The following RNF220 variants were observed in gnomAD, a reference collection of about 807,000 sequenced individuals.
RNF220 encodes E3 ubiquitin-protein ligase RNF220.
RNF220 carries 7 observed loss-of-function variants against 67.1 expected under a neutral mutation model. That is an observed-to-expected ratio of 0.10 (90% CI 0.06 to 0.20). RNF220 has a LOEUF of 0.20. Among genes scored for constraint, RNF220 ranks in the 10% least tolerant of loss-of-function variants. RNF220 has a pLI of 1.00. For missense variants in RNF220, 565 were observed against 740.3 expected, an observed-to-expected ratio of 0.76 and a Z score of 2.75; for synonymous variants, 270 against 283.2, an observed-to-expected ratio of 0.95 and a Z score of 0.47.
chr1:44,422,215 A>G (rs986362451), intron 2 of RNF220, among the ~76,000 whole-genome samples: 1 of 152,238 alleles, frequency 6.6e-6, no homozygotes, highest in Non-Finnish European at 1.5e-5. Flanking sequence ...GGAATTCTAG[A>G]AAAGGAGCGG....
intron 2 of RNF220, among the ~76,000 whole-genome samples, chr1:44,528,852 G>A (rs1041623558): frequency 1.3e-5 from 2 of 151,954 alleles, no homozygotes; most frequent in Middle Eastern, 3.2e-3. Context: ...GACCTCAGGC[G>A]ATCCACCCAC....
At chr1:44,454,869 G>A (rs546720509) in intron 2 of RNF220, among the ~76,000 whole-genome samples, 1 of 152,018 alleles carries the variant, frequency 6.6e-6, no homozygotes, top group Non-Finnish European at 1.5e-5. Flanking sequence ...TGTTTTGGTA[G>A]TTTCTTCCTT....
chr1:44,599,397 G>T (rs1666764142), intron 2 of RNF220, among the ~76,000 whole-genome samples: 2 of 152,302 alleles, frequency 1.3e-5, no homozygotes, highest in African/African-American at 4.8e-5. Context: ...ATAGGGTCAG[G>T]CGCGGTGGCT....
At chr1:44,581,812 C>T (rs992375161) in intron 2 of RNF220, among the ~76,000 whole-genome samples, 1 of 152,184 alleles carries the variant, frequency 6.6e-6, no homozygotes, top group African/African-American at 2.4e-5. Flanking sequence ...AGCTAGGACC[C>T]AAGCCTGCTC....
intron 2 of RNF220, among the ~76,000 whole-genome samples, chr1:44,556,256 A>C (rs1250551019): frequency 1.3e-5 from 2 of 148,764 alleles, no homozygotes; most frequent in African/African-American, 5.1e-5. Context: ...CTGGTCTCGA[A>C]CTCCTGACTT....
intron 2 of RNF220, among the ~76,000 whole-genome samples, chr1:44,425,254 A>C (rs969033932): frequency 4.6e-5 from 7 of 152,104 alleles, no homozygotes; most frequent in Non-Finnish European, 8.8e-5. Context: ...TTTTCCCCCA[A>C]CATAATTCCC....
intron 2 of RNF220, among the ~76,000 whole-genome samples, chr1:44,573,989 AC>A (rs1664632079): frequency 1.3e-5 from 2 of 152,146 alleles, no homozygotes; most frequent in South Asian, 4.1e-4. Context: ...GTGGTGGTGC[AC>A]ACCTGTAGTC....
chr1:44,612,560 G>A (rs944470611), intron 2 of RNF220, among the ~76,000 whole-genome samples: 2 of 152,158 alleles, frequency 1.3e-5, no homozygotes, highest in South Asian at 4.1e-4. Context: ...TCAGTCTGGT[G>A]TCAAAGGGAG....
At chr1:44,553,568 G>T (rs175222) in intron 2 of RNF220, among the ~76,000 whole-genome samples, 95,456 of 151,906 alleles carry the variant, frequency 0.63, 30,975 homozygotes, top group Non-Finnish European at 0.71. Flanking sequence ...CCAAGGGCGT[G>T]GGATTCAATT....
intron 2 of RNF220, among the ~76,000 whole-genome samples, chr1:44,613,363 G>A (rs935139568): frequency 7.1e-5 from 10 of 140,624 alleles, no homozygotes; most frequent in Middle Eastern, 3.3e-3. Flanking sequence ...TGGATATGCA[G>A]GGATGTTTCT....
Position 44,408,508 on chromosome 1 carries a change from T to TAA in RNF220, c.-118+2987_-118+2988dup, listed in dbSNP as rs564691082. 7.7e-3 allele frequency among the ~76,000 whole-genome samples: 1,170 copies of TAA among 151,658 alleles called. 8 individuals are homozygous for TAA. Among genetic ancestry groups the TAA allele is most frequent in the Non-Finnish European group, 0.013 (852 of 67,802 alleles). ...CTTCAAGCGAAGAAGTCTGTGAACT[T>TAA]AAAAAAAAAATTTTTTTCCTGCGTT... On this transcript the variant is annotated intron_variant, in intron 1 of 14. Coordinates refer to ENST00000361799, the MANE Select transcript of RNF220 (RefSeq NM_018150.4).
intron 2 of RNF220, among the ~76,000 whole-genome samples, chr1:44,486,249 G>A (rs1444971316): frequency 3.9e-5 from 6 of 152,218 alleles, no homozygotes; most frequent in South Asian, 2.1e-4. Flanking sequence ...GCCTTTGGGC[G>A]ACCTGTCCCA....
chr1:44,507,867 C>T (rs975284062), intron 2 of RNF220, among the ~76,000 whole-genome samples: 1 of 151,614 alleles, frequency 6.6e-6, no homozygotes, highest in Non-Finnish European at 1.5e-5. Flanking sequence ...GTGGAGGTGC[C>T]CCCCCCTCAC....
At chr1:44,574,571 G>C (rs1285702817) in intron 2 of RNF220, among the ~76,000 whole-genome samples, 1 of 152,192 alleles carries the variant, frequency 6.6e-6, no homozygotes, top group Non-Finnish European at 1.5e-5. Context: ...CAAAGCCCAA[G>C]AGCCTAAAGC....
At chr1:44,554,347 T>C (rs961643413) in intron 2 of RNF220, among the ~76,000 whole-genome samples, 1 of 152,050 alleles carries the variant, frequency 6.6e-6, no homozygotes, top group African/African-American at 2.4e-5. Flanking sequence ...AATTGAGGAA[T>C]GCTTGCCACT....
Position 44,405,316 on chromosome 1 carries a change from C to G in RNF220, c.-332C>G. Reference sequence around the variant, plus strand: ...GCTCCTTCTCTCACGCCAACTGAGTCTCTTGATCTGTACATGCAATCCCAG... The same window carrying G: ...GCTCCTTCTCTCACGCCAACTGAGTGTCTTGATCTGTACATGCAATCCCAG... On this transcript the variant is annotated 5_prime_UTR_variant, in exon 1 of 15. Transcript: ENST00000361799. 2.0e-6 allele frequency: 1 copy of G among 499,524 alleles called. No homozygotes were observed. The highest frequency in any genetic ancestry group is 2.7e-5 in the South Asian group (1 of 37,340). 30.9% of individuals were successfully genotyped at this position (499,524 alleles called of 1,614,324 possible).
At chr1:44,591,683 A>T (rs1012956903) in intron 2 of RNF220, among the ~76,000 whole-genome samples, 1 of 152,130 alleles carries the variant, frequency 6.6e-6, no homozygotes, top group African/African-American at 2.4e-5. Flanking sequence ...CATGGTCTAT[A>T]AGTCCTCCCG....
At chr1:44,481,031 CAG>C (rs1241208598) in intron 2 of RNF220, among the ~76,000 whole-genome samples, 2 of 152,152 alleles carry the variant, frequency 1.3e-5, no homozygotes, top group Non-Finnish European at 2.9e-5. Flanking sequence ...AGTGGAATGA[CAG>C]GGCAAATTCA....
chr1:44,590,000 A>T (rs1337132637), intron 2 of RNF220, among the ~76,000 whole-genome samples: 1 of 152,100 alleles, frequency 6.6e-6, no homozygotes, highest in African/African-American at 2.4e-5. Flanking sequence ...CTACAGGAAA[A>T]ATGGGTGAAG....
Sources: allele counts gnomAD v4.1 joint callset (sites outside exome capture counted in the v4.1 genomes callset), GRCh38; gene constraint gnomAD v4.1.1; transcripts MANE v1.5; gene names NCBI Gene and HGNC (gene_info 2026-07-23, HGNC 2026-07-21).